The following AASS variants were observed in gnomAD, a reference collection of about 807,000 sequenced individuals.
AASS encodes the protein alpha-aminoadipic semialdehyde synthase, mitochondrial.
Under a neutral mutation model 105.4 loss-of-function variants are expected in AASS, and 86 were observed. The ratio of observed to expected loss-of-function variants is 0.82; its 90% CI spans 0.69 to 0.98. The LOEUF is 0.98. Among genes scored for constraint, AASS ranks in the 50% least tolerant of loss-of-function variants. The probability of loss-of-function intolerance (pLI) is 0.00; values close to 1 mark genes in which losing one functional copy is unlikely to be tolerated. For synonymous variants in AASS, 381 were observed against 394.8 expected, an observed-to-expected ratio of 0.96 and a Z score of 0.41; for missense variants, 1,048 against 1,143.2, an observed-to-expected ratio of 0.92 and a Z score of 1.20.
chr7:122,133,964 G>A (rs1322932098), intron 1 of AASS: 13 of 562,932 alleles, frequency 2.3e-5, no homozygotes, highest in South Asian at 1.5e-4. Context: ...ATAGAGCAAC[G>A]TGTGTGACAC....
intron 18 of AASS, among the ~76,000 whole-genome samples, chr7:122,088,094 A>T (rs13244397): frequency 6.6e-6 from 1 of 152,294 alleles, no homozygotes; most frequent in Non-Finnish European, 1.5e-5. Context: ...AATTTGAATG[A>T]CAACAGAAAC....
chr7:122,095,052 G>A lies in AASS; in HGVS notation c.1656-1894C>T, dbSNP rs73717787. ...GCTTTCCCAGATTTCCCCAAAGCCAGATATCCTTCCTCTGCATGCATCCAG... is the reference window on the plus strand; with the variant it reads ...GCTTTCCCAGATTTCCCCAAAGCCAAATATCCTTCCTCTGCATGCATCCAG... On this transcript the variant is annotated intron_variant, in intron 15 of 23. Transcript: ENST00000417368. Among the ~76,000 whole-genome samples, 584 of 152,112 alleles carry A rather than the reference G, an allele frequency of 3.8e-3. 5 individuals carry two copies. Among genetic ancestry groups the A allele is most frequent in the African/African-American group, 0.013 (557 of 41,496 alleles).
rs985545963 is a variant in AASS, at chr7:122,091,584, G to A, written c.2016+119C>T. 19 of 1,430,482 alleles carry A rather than the reference G, an allele frequency of 1.3e-5. No individual in the cohort carries two copies. In the East Asian group the frequency reaches 4.5e-4, roughly 34 times the overall value. 88.6% of individuals were successfully genotyped at this position (1,430,482 alleles called of 1,614,324 possible). A position where few individuals can be genotyped will look rare whatever the true frequency, so the allele number is the denominator to read the frequency against. Reference sequence around the variant, plus strand: ...ATATACACTGGGAAACAACACAGGAGGAGATAATGGAGACAGGCAGCATCA... The same window carrying A: ...ATATACACTGGGAAACAACACAGGAAGAGATAATGGAGACAGGCAGCATCA... On this transcript the variant is annotated intron_variant, in intron 18 of 23. Transcript: ENST00000417368.
At chr7:122,123,558 T>C (rs184276759) in intron 4 of AASS, among the ~76,000 whole-genome samples, 4 of 152,350 alleles carry the variant, frequency 2.6e-5, no homozygotes, top group African/African-American at 9.6e-5. Flanking sequence ...TGCCCAGTTA[T>C]AGATTACATT....
intron 4 of AASS, among the ~76,000 whole-genome samples, chr7:122,125,432 AG>A (rs1256704260): frequency 6.6e-6 from 1 of 152,190 alleles, no homozygotes; most frequent in Non-Finnish European, 1.5e-5. Flanking sequence ...TACTTCCTGC[AG>A]AAAGGGTACA....
intron 18 of AASS, among the ~76,000 whole-genome samples, chr7:122,089,248 C>A (rs1027068972): frequency 2.0e-5 from 3 of 152,074 alleles, no homozygotes; most frequent in African/African-American, 7.2e-5. Flanking sequence ...AATAATGCAG[C>A]ACCTAGAAAA....
At chr7:122,086,271 ATTTG>A in intron 18 of AASS, 92 bp from the exon 19 acceptor site, 3 of 1,259,330 alleles carry the variant, frequency 2.4e-6, no homozygotes, top group Admixed American at 4.3e-5. Flanking sequence ...AGCAACAGAA[ATTTG>A]AAAAAAAAAA....
chr7:122,093,608 G>A (rs975142680), intron 15 of AASS, among the ~76,000 whole-genome samples: 3 of 152,044 alleles, frequency 2.0e-5, no homozygotes, highest in East Asian at 3.9e-4. Flanking sequence ...CCCAGGAGTC[G>A]AGACCAGCTT....
chr7:122,099,472 A>T (rs183500315), intron 13 of AASS, among the ~76,000 whole-genome samples: 4 of 152,044 alleles, frequency 2.6e-5, no homozygotes, highest in Admixed American at 1.3e-4. Context: ...TGAACAGTCT[A>T]TTCTGCTGGA....
intron 20 of AASS, among the ~76,000 whole-genome samples, chr7:122,080,365 G>A (rs1037427478): frequency 2.6e-5 from 4 of 152,038 alleles, no homozygotes; most frequent in South Asian, 2.1e-4. Context: ...TTTATGTATC[G>A]TCTATGGGAG....
At chr7:122,113,782 A>T in intron 9 of AASS, 62 bp from the exon 10 acceptor site, 2 of 1,590,310 alleles carry the variant, frequency 1.3e-6, no homozygotes, top group Non-Finnish European at 1.7e-6. Context: ...ACAAGACTAA[A>T]AAAAAAGGAG....
intron 11 of AASS, among the ~76,000 whole-genome samples, chr7:122,102,202 G>A (rs750785911): frequency 9.9e-5 from 15 of 151,892 alleles, no homozygotes; most frequent in Non-Finnish European, 1.9e-4. Flanking sequence ...GGTAGCAAAA[G>A]TGACTTGACT....
At chr7:122,102,817 A>C (rs914293355) in intron 11 of AASS, among the ~76,000 whole-genome samples, 1 of 151,970 alleles carries the variant, frequency 6.6e-6, no homozygotes, top group Admixed American at 6.6e-5. Context: ...AGTCATCTCT[A>C]AAATTTTGAA....
chr7:122,076,225 A>G lies in AASS; in HGVS notation c.*264T>C, dbSNP rs543266078. 107 of 387,546 alleles carry G rather than the reference A, an allele frequency of 2.8e-4. No individual in the cohort carries two copies. The highest frequency in any genetic ancestry group is 4.5e-4 in the Non-Finnish European group (96 of 214,486). 24.0% of individuals were successfully genotyped at this position (387,546 alleles called of 1,614,324 possible). A position where few individuals can be genotyped will look rare whatever the true frequency, so the allele number is the denominator to read the frequency against. ...CAAAAGAAAAAAAGTGGCACAATAA[A>G]TTAACAAATAGCATGATCATCACTT... On this transcript the variant is annotated 3_prime_UTR_variant, in exon 24 of 24. Transcript: ENST00000417368.
At chr7:122,079,327 C>T (rs1399514304) in intron 21 of AASS, 4 of 1,361,204 alleles carry the variant, frequency 2.9e-6, no homozygotes, top group Non-Finnish European at 3.8e-6. Flanking sequence ...CTCCAAATCT[C>T]CTACAGGAAA....
At chr7:122,142,351 TAAC>T (rs1261256445) in intron 1 of AASS, among the ~76,000 whole-genome samples, 166 of 152,018 alleles carry the variant, frequency 1.1e-3, no homozygotes, top group African/African-American at 3.8e-3. Context: ...ACCACGCCGC[TAAC>T]AGTAGACTCA....
chr7:122,099,767 T>A (rs1409847964), intron 13 of AASS, among the ~76,000 whole-genome samples: 2 of 150,622 alleles, frequency 1.3e-5, no homozygotes, highest in Non-Finnish European at 1.5e-5. Flanking sequence ...TTTTCATTAA[T>A]TTTTAACAAA....
chr7:122,115,730 A>C (rs2150536153), intron 8 of AASS, among the ~76,000 whole-genome samples: 1 of 152,304 alleles, frequency 6.6e-6, no homozygotes, highest in Middle Eastern at 3.4e-3. Flanking sequence ...ATACATGGCA[A>C]CTAGGTCAGT....
chr7:122,115,301 A>C, intron 8 of AASS, 79 bp from the exon 9 acceptor site: 2 of 1,505,624 alleles, frequency 1.3e-6, no homozygotes, highest in Non-Finnish European at 1.8e-6. Context: ...GCTATCAGTA[A>C]ATTCTATGAG....
Sources: gnomAD v4.1 joint callset for allele counts (sites outside exome capture counted in the v4.1 genomes callset) on GRCh38, gnomAD v4.1.1 for gene constraint, MANE v1.5 for transcripts, NCBI Gene and HGNC (gene_info 2026-07-23, HGNC 2026-07-21) for gene names.